Variants in ART3 observed in about 807,000 individuals in gnomAD.
ART3 encodes ecto-ADP-ribosyltransferase 3.
Under a neutral mutation model 48.5 loss-of-function variants are expected in ART3, and 49 were observed. The observed-to-expected ratio is 1.01, with a 90% CI of 0.80 to 1.28. The LOEUF (loss-of-function observed/expected upper bound fraction) is 1.28. ART3 is among the 50% of genes most tolerant of loss of function. The pLI is 0.00. For synonymous variants in ART3, 145 were observed against 157.2 expected (o/e 0.92, Z 0.58); for missense variants, 438 against 454.3 (o/e 0.96, Z 0.33).
chr4:76,028,534 A>G (rs1733613560), intron 1 of ART3, among the ~76,000 whole-genome samples: 1 of 152,234 alleles, frequency 6.6e-6, no homozygotes, highest in South Asian at 2.1e-4. Flanking sequence ...CTTTCCCGGA[A>G]ACTGTTATGC....
chr4:76,023,191 A>T, intron 1 of ART3, among the ~76,000 whole-genome samples: 1 of 150,682 alleles, frequency 6.6e-6, no homozygotes. Flanking sequence ...CTCTTATTCT[A>T]TTTGTTTCTC....
chr4:76,013,024 A>C (rs1197157663), intron 1 of ART3, among the ~76,000 whole-genome samples: 1 of 152,206 alleles, frequency 6.6e-6, no homozygotes, highest in Non-Finnish European at 1.5e-5. Context: ...TGATTTCCTC[A>C]GAGAGTTCAC....
chr4:76,039,696 A>G (rs1173069481), intron 1 of ART3, among the ~76,000 whole-genome samples: 1 of 152,262 alleles, frequency 6.6e-6, no homozygotes, highest in Non-Finnish European at 1.5e-5. Context: ...AAGTGTTGTC[A>G]TATAGCTTTG....
intron 1 of ART3, chr4:76,035,986 A>G (rs2149408966): frequency 1.2e-6 from 2 of 1,613,602 alleles, no homozygotes; most frequent in Middle Eastern, 1.7e-4. Context: ...CTTCACACTC[A>G]TGTTTGTTTT....
intron 2 of ART3, among the ~76,000 whole-genome samples, chr4:76,076,533 T>C (rs893995894): frequency 6.6e-6 from 1 of 152,232 alleles, no homozygotes; most frequent in Non-Finnish European, 1.5e-5. Context: ...TGTTGGTGTA[T>C]ACAGGCTTCT....
intron 1 of ART3, chr4:76,034,109 A>G (rs1734120623): frequency 4.6e-6 from 1 of 217,172 alleles, no homozygotes; most frequent in Non-Finnish European, 8.9e-6. Context: ...AATTTTTTTC[A>G]TAGTACATTT....
At chr4:76,024,619 T>TA (rs1733202129) in intron 1 of ART3, among the ~76,000 whole-genome samples, 1 of 152,148 alleles carries the variant, frequency 6.6e-6, no homozygotes, top group South Asian at 2.1e-4. Flanking sequence ...TATCCATGGA[T>TA]ATAGTGGTCC....
chr4:76,040,549 C>G (rs1316109120), intron 1 of ART3, among the ~76,000 whole-genome samples: 4 of 130,424 alleles, frequency 3.1e-5, no homozygotes, highest in Admixed American at 9.5e-5. Context: ...GTGTCAGGGA[C>G]TATATAGATA....
intron 3 of ART3, among the ~76,000 whole-genome samples, chr4:76,084,088 A>G (rs1404214899): frequency 6.6e-6 from 1 of 152,020 alleles, no homozygotes; most frequent in African/African-American, 2.4e-5. Context: ...CCAATCAGTA[A>G]TTCACCTCCA....
chr4:76,075,556 G>A (rs1385562101), intron 1 of ART3, among the ~76,000 whole-genome samples: 3 of 152,196 alleles, frequency 2.0e-5, no homozygotes, highest in Non-Finnish European at 4.4e-5. Flanking sequence ...GAGATTTAGA[G>A]ATGGGAAGAA....
chr4:76,036,028 T>A, intron 1 of ART3: 2 of 1,591,574 alleles, frequency 1.3e-6, no homozygotes, highest in Non-Finnish European at 1.7e-6. Flanking sequence ...CTGCTGCTAC[T>A]TCAGCTTTGC....
chr4:76,013,150 G>T (rs1390466287), intron 1 of ART3, among the ~76,000 whole-genome samples: 4 of 152,212 alleles, frequency 2.6e-5, no homozygotes, highest in African/African-American at 9.7e-5. Context: ...TGGCTGATGG[G>T]TTCAGACGCA....
chr4:76,051,979 G>A (rs1222911671), intron 1 of ART3, among the ~76,000 whole-genome samples: 1 of 142,364 alleles, frequency 7.0e-6, no homozygotes, highest in Non-Finnish European at 1.5e-5. Flanking sequence ...CGCAATCTCA[G>A]CTCACTGCAA....
intron 8 of ART3, among the ~76,000 whole-genome samples, chr4:76,102,045 GATTCTAGAAT>G (rs199619794): frequency 0.012 from 1,896 of 152,240 alleles, 43 homozygotes; most frequent in African/African-American, 0.043. Flanking sequence ...CTTTATTTGA[GATTCTAGAAT>G]TGGGCAACAC....
In ART3 at chr4:76,013,162, C is replaced by T. The variant is rs987097760; in HGVS notation, c.-10+1842C>T. Among the ~76,000 whole-genome samples the T allele has an allele frequency of 3.3e-5, 5 of 152,312 alleles. 1 individual carries two copies. The South Asian group carries it at 1.0e-3, about 32-fold the overall frequency. Reference sequence around the variant, plus strand: ...CCCTGGCTGATGGGTTCAGACGCAGCTGTCTGAGTTAGGTCTGAAAAGGAG... The same window carrying T: ...CCCTGGCTGATGGGTTCAGACGCAGTTGTCTGAGTTAGGTCTGAAAAGGAG... On this transcript the variant is annotated intron_variant, in intron 1 of 9. Transcript: ENST00000341029.
chr4:76,100,611 C>T (rs1384034839), intron 6 of ART3, among the ~76,000 whole-genome samples, 184 bp from the exon 7 acceptor site: 3 of 140,942 alleles, frequency 2.1e-5, no homozygotes. Flanking sequence ...AGCCTGGAAA[C>T]AGAGCGAGGC....
At chr4:76,011,527 C>T (rs959337147) in intron 1 of ART3, among the ~76,000 whole-genome samples, 2 of 152,224 alleles carry the variant, frequency 1.3e-5, no homozygotes, top group Non-Finnish European at 2.9e-5. Flanking sequence ...GGGCACTGGG[C>T]TTAGGGGTAA....
chr4:76,058,031 G>A (rs985222197), intron 1 of ART3: 1 of 152,148 alleles, frequency 6.6e-6, no homozygotes, highest in Admixed American at 6.5e-5. Flanking sequence ...TGGCAACTGT[G>A]TTGGAAACTA....
At chr4:76,067,622 T>A (rs1719873338) in intron 1 of ART3, among the ~76,000 whole-genome samples, 1 of 152,216 alleles carries the variant, frequency 6.6e-6, no homozygotes, top group South Asian at 2.1e-4. Flanking sequence ...AAAAGGAATA[T>A]GTATTTCTCT....
Sources: allele counts gnomAD v4.1 joint callset (sites outside exome capture counted in the v4.1 genomes callset), GRCh38; gene constraint gnomAD v4.1.1; transcripts MANE v1.5; gene names NCBI Gene and HGNC (gene_info 2026-07-23, HGNC 2026-07-21).